AFG1L: variants seen among roughly 807,000 people sequenced by gnomAD.
AFG1L encodes the protein AFG1-like ATPase.
Under a neutral mutation model 62.2 loss-of-function variants are expected in AFG1L, and 53 were observed. The ratio of observed to expected loss-of-function variants is 0.85; its 90% CI spans 0.68 to 1.07. The LOEUF is 1.07. Among genes scored for constraint, AFG1L ranks in the 50% least tolerant of loss-of-function variants. AFG1L has a pLI of 0.00. For synonymous variants in AFG1L, 228 were observed against 210.3 expected (o/e 1.08, Z -0.73); for missense variants, 555 against 590.5 (o/e 0.94, Z 0.62).
intron 6 of AFG1L, among the ~76,000 whole-genome samples, chr6:108,377,268 A>G (rs1780289432): frequency 6.6e-6 from 1 of 152,126 alleles, no homozygotes; most frequent in African/African-American, 2.4e-5. Context: ...TTGATATGTG[A>G]AGTTTTGATC....
At chr6:108,459,085 T>C (rs1308951614) in intron 8 of AFG1L, among the ~76,000 whole-genome samples, 1 of 152,162 alleles carries the variant, frequency 6.6e-6, no homozygotes, top group Non-Finnish European at 1.5e-5. Context: ...TTCCTGGCCA[T>C]GTATGAGCTC....
chr6:108,397,778 C>T (rs1457254506), intron 6 of AFG1L, among the ~76,000 whole-genome samples: 1 of 152,166 alleles, frequency 6.6e-6, no homozygotes, highest in Admixed American at 6.5e-5. Context: ...CATGTTGTTG[C>T]AAGTTCCATT....
At chr6:108,474,900 C>T (rs1773048542) in intron 8 of AFG1L, among the ~76,000 whole-genome samples, 1 of 152,124 alleles carries the variant, frequency 6.6e-6, no homozygotes, top group Non-Finnish European at 1.5e-5. Context: ...TAATTAGATC[C>T]CATTTGTCAA....
At chr6:108,431,239 G>A (rs933262741) in intron 7 of AFG1L, among the ~76,000 whole-genome samples, 6 of 152,060 alleles carry the variant, frequency 3.9e-5, no homozygotes, top group Middle Eastern at 6.8e-3. Context: ...GAGTAGCTGG[G>A]ATTAGAGGCA....
chr6:108,517,124 A>G (rs1245658127), intron 11 of AFG1L, among the ~76,000 whole-genome samples: 1 of 152,192 alleles, frequency 6.6e-6, no homozygotes, highest in Non-Finnish European at 1.5e-5. Context: ...GCTACCAATG[A>G]TTTTCTTCAC....
intron 8 of AFG1L, among the ~76,000 whole-genome samples, chr6:108,465,989 A>G (rs1772650842): frequency 6.6e-6 from 1 of 152,162 alleles, no homozygotes; most frequent in Non-Finnish European, 1.5e-5. Context: ...AGCTGAGACT[A>G]TAGGCATGAG....
chr6:108,394,881 C>T (rs1781222489), intron 6 of AFG1L, among the ~76,000 whole-genome samples: 1 of 152,170 alleles, frequency 6.6e-6, no homozygotes, highest in South Asian at 2.1e-4. Flanking sequence ...TGGCTATCAA[C>T]TCTTAACATA....
intron 10 of AFG1L, among the ~76,000 whole-genome samples, chr6:108,494,692 C>A (rs779465712): frequency 2.6e-5 from 4 of 152,044 alleles, no homozygotes; most frequent in Non-Finnish European, 4.4e-5. Flanking sequence ...TATTGAGGTG[C>A]CATATGAATC....
At chr6:108,371,390 A>C (rs749250702) in intron 6 of AFG1L, among the ~76,000 whole-genome samples, 20 of 152,164 alleles carry the variant, frequency 1.3e-4, no homozygotes, top group Admixed American at 3.3e-4. Context: ...TAGCCTGGGC[A>C]ACATAATGAG....
At chr6:108,465,551 C>G (rs937912722) in intron 8 of AFG1L, among the ~76,000 whole-genome samples, 1 of 152,058 alleles carries the variant, frequency 6.6e-6, no homozygotes, top group Non-Finnish European at 1.5e-5. Context: ...GCCTCACAAG[C>G]ATGGATATAT....
At chr6:108,350,762 T>C (rs1779049149) in intron 3 of AFG1L, among the ~76,000 whole-genome samples, 1 of 152,194 alleles carries the variant, frequency 6.6e-6, no homozygotes, top group Admixed American at 6.5e-5. Flanking sequence ...AAAGTACATT[T>C]TGCTTATCAG....
intron 7 of AFG1L, among the ~76,000 whole-genome samples, chr6:108,421,022 T>C (rs1770563709): frequency 1.3e-5 from 2 of 152,146 alleles, no homozygotes; most frequent in African/African-American, 4.8e-5. Context: ...AAATTCTCCC[T>C]TTCCCCTCCC....
intron 2 of AFG1L, among the ~76,000 whole-genome samples, chr6:108,337,362 T>A (rs1221833464): frequency 6.6e-6 from 1 of 152,020 alleles, no homozygotes; most frequent in African/African-American, 2.4e-5. Flanking sequence ...TTAGTACATG[T>A]GAGCATTGTG....
intron 4 of AFG1L, 109 bp downstream of exon 4, chr6:108,355,864 T>A: frequency 1.3e-6 from 1 of 765,710 alleles, no homozygotes; most frequent in Non-Finnish European, 2.2e-6. Flanking sequence ...TTGCTTGCAG[T>A]AAGATTTTAT....
chr6:108,514,286 C>CT (rs1387423630), intron 11 of AFG1L, among the ~76,000 whole-genome samples: 3 of 152,074 alleles, frequency 2.0e-5, no homozygotes, highest in African/African-American at 7.2e-5. Flanking sequence ...GCCCATCAGA[C>CT]TAACAGTGGA....
chr6:108,299,885 A>G (rs1235852852), intron 1 of AFG1L, among the ~76,000 whole-genome samples: 1 of 152,234 alleles, frequency 6.6e-6, no homozygotes, highest in South Asian at 2.1e-4. Context: ...TTAGGAGACT[A>G]GGAGAGAAGC....
At chr6:108,516,632 G>A (rs1292913272) in intron 11 of AFG1L, among the ~76,000 whole-genome samples, 1 of 152,186 alleles carries the variant, frequency 6.6e-6, no homozygotes, top group African/African-American at 2.4e-5. Context: ...ATTCAACATA[G>A]TGTTGGAAGT....
chr6:108,497,065 G>A (rs573446666), intron 10 of AFG1L, among the ~76,000 whole-genome samples: 3 of 152,078 alleles, frequency 2.0e-5, no homozygotes, highest in Non-Finnish European at 2.9e-5. Context: ...TATAACCTTC[G>A]GTTGAATTTC....
At chr6:108,416,671 A>G (rs186274831) in intron 7 of AFG1L, among the ~76,000 whole-genome samples, 2 of 152,320 alleles carry the variant, frequency 1.3e-5, no homozygotes, top group Admixed American at 1.3e-4. Context: ...AATTATCATA[A>G]GGACAGAAAA....
Sources: allele counts gnomAD v4.1 joint callset (sites outside exome capture counted in the v4.1 genomes callset), GRCh38; gene constraint gnomAD v4.1.1; transcripts MANE v1.5; gene names NCBI Gene and HGNC (gene_info 2026-07-23, HGNC 2026-07-21).